Variants in GPBP1 observed in about 807,000 individuals in gnomAD.
The protein encoded by GPBP1 is vasculin.
GPBP1 carries 13 observed loss-of-function variants against 56.5 expected under a neutral mutation model. The ratio of observed to expected loss-of-function variants is 0.23; its 90% CI spans 0.15 to 0.37. The LOEUF is 0.37. GPBP1 is among the 10% of genes least tolerant of loss of function. The pLI is 1.00. For missense variants in GPBP1, 477 were observed against 572.3 expected (o/e 0.83, Z 1.70); for synonymous variants, 204 against 188.9 (o/e 1.08, Z -0.66).
At chr5:57,237,473 G>T in intron 6 of GPBP1, 1 of 305,844 alleles carries the variant, frequency 3.3e-6, no homozygotes, top group Admixed American at 4.3e-5. Flanking sequence ...TACTGTTTCA[G>T]GGTTGGTCTA....
chr5:57,254,599 G>C (rs1283570347), intron 10 of GPBP1, among the ~76,000 whole-genome samples: 1 of 151,758 alleles, frequency 6.6e-6, no homozygotes, highest in African/African-American at 2.4e-5. Flanking sequence ...GATGGCTGAG[G>C]CATGAGAATC....
At chr5:57,249,683 A>G in intron 9 of GPBP1, 107 bp downstream of exon 9, 1 of 924,590 alleles carries the variant, frequency 1.1e-6, no homozygotes, top group Non-Finnish European at 1.5e-6. Flanking sequence ...TTGGAAAGAA[A>G]CTTGGAAAGC....
At chr5:57,180,576 G>C (rs1424774270) in intron 2 of GPBP1, among the ~76,000 whole-genome samples, 2 of 152,166 alleles carry the variant, frequency 1.3e-5, no homozygotes, top group Non-Finnish European at 2.9e-5. Flanking sequence ...TCATGGCTGA[G>C]GGTTTGGAAG....
At position 57,247,223 on chromosome 5, in the gene GPBP1, A is replaced by T; in HGVS notation, c.804+8A>T. On this transcript the variant is annotated splice_region_variant and intron_variant, in intron 8 of 11. Coordinates refer to ENST00000506184, the MANE Select transcript of GPBP1 (RefSeq NM_022913.4). ...ACAAATTCAGTGAAAGAGGTATGACATTAAAAATCACACTTGAGGAATGTA... is the reference window on the plus strand; with the variant it reads ...ACAAATTCAGTGAAAGAGGTATGACTTTAAAAATCACACTTGAGGAATGTA... The T allele has an allele frequency of 6.2e-7, 1 of 1,603,064 alleles. No individual in the cohort carries two copies. The highest frequency in any genetic ancestry group is 8.5e-7 in the Non-Finnish European group (1 of 1,174,050).
intron 11 of GPBP1, 135 bp downstream of exon 11, chr5:57,261,417 G>A (rs1409700081): frequency 1.4e-5 from 8 of 570,674 alleles, no homozygotes; most frequent in Admixed American, 1.2e-4. Context: ...AAAAAAAAAA[G>A]AGGGAGGACA....
chr5:57,197,011 G>A (rs567587306), intron 2 of GPBP1, among the ~76,000 whole-genome samples: 1 of 151,804 alleles, frequency 6.6e-6, no homozygotes, highest in South Asian at 2.1e-4. Context: ...TGAACTCCTG[G>A]CCTCAAGTGA....
intron 2 of GPBP1, among the ~76,000 whole-genome samples, chr5:57,199,426 G>C (rs1156832824): frequency 6.6e-6 from 1 of 152,110 alleles, no homozygotes; most frequent in Non-Finnish European, 1.5e-5. Context: ...AACCAGTAAT[G>C]TGGTGTATTG....
rs1170783633 is a variant in GPBP1, at chr5:57,263,043, A to AT, written c.*295dup. On this transcript the variant is annotated 3_prime_UTR_variant, in exon 12 of 12. Transcript: ENST00000506184. The stretch of plus-strand genomic sequence containing the variant: ...GCAATGTGACGATGTAACAAATGAG[A>AT]TTTTCTCATTTAATAATAAAAAATT... The AT allele has an allele frequency of 1.3e-5, 3 of 226,770 alleles. No individual in the cohort carries two copies. Among genetic ancestry groups the AT allele is most frequent in the Non-Finnish European group, 2.6e-5 (3 of 116,730 alleles). 14.0% of individuals were successfully genotyped at this position (226,770 alleles called of 1,614,324 possible). A position where few individuals can be genotyped will look rare whatever the true frequency, so the allele number is the denominator to read the frequency against.
intron 2 of GPBP1, among the ~76,000 whole-genome samples, chr5:57,202,895 C>T (rs1028442458): frequency 1.3e-5 from 2 of 152,236 alleles, no homozygotes; most frequent in East Asian, 3.9e-4. Context: ...CAATATATTT[C>T]TAAATTAAAA....
At chr5:57,258,916 G>A (rs149280675) in intron 10 of GPBP1, among the ~76,000 whole-genome samples, 241 of 152,236 alleles carry the variant, frequency 1.6e-3, no homozygotes, top group South Asian at 8.3e-3. Flanking sequence ...GCTTAGTTAC[G>A]ATTCAGTTTT....
chr5:57,221,367 T>C (rs1300023501), intron 3 of GPBP1: 1 of 1,529,560 alleles, frequency 6.5e-7, no homozygotes. Context: ...TCTTATCATT[T>C]GTTAATAGGT....
intron 2 of GPBP1, among the ~76,000 whole-genome samples, chr5:57,181,838 G>C (rs1346343405): frequency 6.6e-6 from 1 of 152,138 alleles, no homozygotes; most frequent in Non-Finnish European, 1.5e-5. Flanking sequence ...AATGTTAGTG[G>C]TTACTGGTAA....
intron 2 of GPBP1, among the ~76,000 whole-genome samples, chr5:57,185,892 T>C (rs897759830): frequency 1.3e-5 from 2 of 151,176 alleles, no homozygotes; most frequent in Non-Finnish European, 2.9e-5. Flanking sequence ...TCCCACCTAC[T>C]GCAGAGGCTT....
At chr5:57,255,252 T>G (rs1057315368) in intron 10 of GPBP1, among the ~76,000 whole-genome samples, 5 of 152,156 alleles carry the variant, frequency 3.3e-5, no homozygotes, top group Non-Finnish European at 7.4e-5. Flanking sequence ...CTTCCTCTCT[T>G]TCCTTTCCTC....
rs1451507385 is a variant in GPBP1 at position 57,263,596 on chromosome 5, T to C, written c.*844T>C. The stretch of plus-strand genomic sequence containing the variant: ...ACTGGATTTTCAGAATATTGTTGTT[T>C]TCTGTAGTGTTCAAGGTATTGTTTC... On this transcript the variant is annotated 3_prime_UTR_variant, in exon 12 of 12. Coordinates refer to ENST00000506184, the MANE Select transcript of GPBP1 (RefSeq NM_022913.4). 6.6e-6 allele frequency: 1 copy of C among 152,196 alleles called. No individual in the cohort carries two copies. Among genetic ancestry groups the C allele is most frequent in the African/African-American group, 2.4e-5 (1 of 41,458 alleles). The allele number at this position is 152,196 out of a possible 1,614,324, so 9.4% of individuals were successfully genotyped here. A position where few individuals can be genotyped will look rare whatever the true frequency, so the allele number is the denominator to read the frequency against.
At chr5:57,184,309 A>G (rs1305191740) in intron 2 of GPBP1, among the ~76,000 whole-genome samples, 1 of 152,108 alleles carries the variant, frequency 6.6e-6, no homozygotes. Flanking sequence ...CTTTGAAGAA[A>G]CACCTGAGAC....
At chr5:57,180,546 G>T (rs538265251) in intron 2 of GPBP1, among the ~76,000 whole-genome samples, 3 of 152,294 alleles carry the variant, frequency 2.0e-5, no homozygotes, top group African/African-American at 7.2e-5. Context: ...TCCAGGTAAG[G>T]TACTGATGTA....
At chr5:57,218,945 G>A (rs1269677862) in intron 3 of GPBP1, among the ~76,000 whole-genome samples, 2 of 152,154 alleles carry the variant, frequency 1.3e-5, no homozygotes, top group Non-Finnish European at 1.5e-5. Context: ...GATTTTGGAA[G>A]GTTAACTGAA....
rs571940003 is a variant in GPBP1, at chr5:57,211,936, A to T, written c.-57-2138A>T. Among the ~76,000 whole-genome samples, 483 of 122,716 alleles carry T rather than the reference A, an allele frequency of 3.9e-3. 4 individuals carry two copies. The highest frequency in any genetic ancestry group is 0.012 in the African/African-American group (459 of 38,652). The allele number at this position is 122,716 out of a possible 152,430, so 80.5% of individuals were successfully genotyped here. ...TGAAAATTTGTTACCAATTTTAATT[A>T]AAAAAAAATTTTTTTTTTGAGACAG... On this transcript the variant is annotated intron_variant, in intron 2 of 11. Transcript: ENST00000506184.
Sources: allele counts gnomAD v4.1 joint callset (sites outside exome capture counted in the v4.1 genomes callset), GRCh38; gene constraint gnomAD v4.1.1; transcripts MANE v1.5; gene names NCBI Gene and HGNC (gene_info 2026-07-23, HGNC 2026-07-21).